Variants in PARP8 observed in about 807,000 individuals in gnomAD.
The protein encoded by PARP8 is protein mono-ADP-ribosyltransferase PARP8.
In PARP8, 51 loss-of-function variants were observed where a neutral mutation model predicts 124.1. That is an observed-to-expected ratio of 0.41 (90% CI 0.33 to 0.52). The LOEUF is 0.52. PARP8 is among the 20% of genes least tolerant of loss of function. The pLI is 0.21. For synonymous variants in PARP8, 391 were observed against 361.5 expected (o/e 1.08, Z -0.93); for missense variants, 860 against 1,018.9 (o/e 0.84, Z 2.12).
At chr5:50,680,818 T>A (rs1751206404) in intron 2 of PARP8, among the ~76,000 whole-genome samples, 1 of 152,136 alleles carries the variant, frequency 6.6e-6, no homozygotes, top group Non-Finnish European at 1.5e-5. Flanking sequence ...CTGGCATATT[T>A]GGCATAGATC....
At position 50,794,958 on chromosome 5, in the gene PARP8, C is replaced by T. The variant is rs1405541559; in HGVS notation, c.969C>T (p.Ser323=). 1.2e-5 allele frequency: 19 copies of T among 1,614,198 alleles called. No homozygotes were observed. Among genetic ancestry groups the T allele is most frequent in the Non-Finnish European group, 1.5e-5 (18 of 1,180,026 alleles). Residue 323 remains serine, a synonymous_variant, in exon 12 of 26, where the codon TCC becomes TCT. Coordinates refer to ENST00000281631, the MANE Select transcript of PARP8 (RefSeq NM_024615.4). ...ATAAGCTGCTGCGGAGGACTTGTTC[C>T]AGCACAGTCAAGACTGATGATGTGT... ...KTHKLLRRTC[S]STVKTDDVCV... is the part of the protein sequence containing the mutation.
chr5:50,816,444 G>C (rs1266221144), intron 15 of PARP8, among the ~76,000 whole-genome samples: 1 of 152,180 alleles, frequency 6.6e-6, no homozygotes, highest in African/African-American at 2.4e-5. Context: ...ACTTGAGGCA[G>C]TGCATCAGGC....
At chr5:50,814,776 C>T (rs1389701448) in intron 14 of PARP8, among the ~76,000 whole-genome samples, 1 of 152,062 alleles carries the variant, frequency 6.6e-6, no homozygotes, top group Non-Finnish European at 1.5e-5. Context: ...CTACCTAATG[C>T]AATGTAACTT....
At chr5:50,726,394 C>T (rs527446490) in intron 2 of PARP8, among the ~76,000 whole-genome samples, 1 of 152,176 alleles carries the variant, frequency 6.6e-6, no homozygotes, top group East Asian at 1.9e-4. Context: ...TACTTTTTTT[C>T]CCGCATTTTA....
intron 9 of PARP8, among the ~76,000 whole-genome samples, chr5:50,780,600 G>T (rs1484502167): frequency 2.0e-5 from 3 of 152,226 alleles, no homozygotes; most frequent in Non-Finnish European, 4.4e-5. Context: ...CTCATGGTTA[G>T]ATTATTTTAA....
In PARP8 at chr5:50,797,009, C is replaced by A. The variant is rs139519921; in HGVS notation, c.1456C>A (p.Arg486=). The A allele has an allele frequency of 6.2e-7, 1 of 1,612,506 alleles. No individual in the cohort carries two copies. The highest frequency in any genetic ancestry group is 8.5e-7 in the Non-Finnish European group (1 of 1,179,186). The part of the protein sequence containing the change: ...APNGAKCIPV[R]DRGFLVQTIE... ...AAATGGTGCAAAATGCATTCCAGTA[C>A]GAGACCGTGGCTTCCTGGTGCAGGT... The change falls in exon 13 of 26, where the codon CGA becomes AGA. Residue 486 remains arginine (R), a synonymous_variant. Coordinates refer to ENST00000281631, the MANE Select transcript of PARP8 (RefSeq NM_024615.4).
chr5:50,764,749 G>T (rs1214307546), intron 7 of PARP8, among the ~76,000 whole-genome samples: 1 of 151,468 alleles, frequency 6.6e-6, no homozygotes, highest in East Asian at 1.9e-4. Context: ...GTTATAGAAT[G>T]CATATATGAA....
intron 2 of PARP8, among the ~76,000 whole-genome samples, chr5:50,741,444 T>C (rs1310941476): frequency 1.3e-5 from 2 of 152,194 alleles, no homozygotes; most frequent in African/African-American, 4.8e-5. Flanking sequence ...AAAATACCAT[T>C]ATAAAGCTTG....
At chr5:50,834,525 T>G (rs1205013677) in intron 24 of PARP8, among the ~76,000 whole-genome samples, 2 of 152,208 alleles carry the variant, frequency 1.3e-5, no homozygotes, top group African/African-American at 4.8e-5. Context: ...TCTTTGTTCT[T>G]GCTTTAAAAT....
chr5:50,805,248 A>G (rs1162501579), intron 14 of PARP8, among the ~76,000 whole-genome samples: 4 of 152,182 alleles, frequency 2.6e-5, no homozygotes, highest in Non-Finnish European at 5.9e-5. Context: ...ATAATAAAAT[A>G]TAGATAAATA....
chr5:50,765,693 T>G (rs573446808), intron 7 of PARP8, among the ~76,000 whole-genome samples: 1 of 152,206 alleles, frequency 6.6e-6, no homozygotes, highest in Admixed American at 6.5e-5. Context: ...AAAATAAATA[T>G]CTTCCTAGAG....
At chr5:50,737,167 C>T (rs544674290) in intron 2 of PARP8, among the ~76,000 whole-genome samples, 1 of 152,076 alleles carries the variant, frequency 6.6e-6, no homozygotes, top group African/African-American at 2.4e-5. Context: ...AGTCTGGGAA[C>T]CTATCAGCTA....
intron 14 of PARP8, among the ~76,000 whole-genome samples, chr5:50,799,778 A>G (rs985610941): frequency 2.0e-5 from 3 of 152,150 alleles, no homozygotes; most frequent in Non-Finnish European, 2.9e-5. Flanking sequence ...TGGTGCCCTC[A>G]TGAACAGGAA....
chr5:50,790,117 T>C (rs909231936), intron 10 of PARP8, among the ~76,000 whole-genome samples: 6 of 152,212 alleles, frequency 3.9e-5, no homozygotes, highest in Admixed American at 2.0e-4. Context: ...AACATTCTTA[T>C]AAATTCCCAG....
At chr5:50,701,764 A>G (rs545163920) in intron 2 of PARP8, among the ~76,000 whole-genome samples, 1 of 152,288 alleles carries the variant, frequency 6.6e-6, no homozygotes, top group East Asian at 1.9e-4. Flanking sequence ...GCTTCACTCA[A>G]GGGGCTTCAG....
chr5:50,702,174 C>T (rs1347857592), intron 2 of PARP8, among the ~76,000 whole-genome samples: 1 of 152,036 alleles, frequency 6.6e-6, no homozygotes, highest in Non-Finnish European at 1.5e-5. Flanking sequence ...TAAAAAATAA[C>T]ATTTAACATC....
Position 50,667,814 on chromosome 5 carries a change from C to T in PARP8, c.92-257C>T, listed in dbSNP as rs532957077. ...CCGCGAGCCCGGCTGAGGCTGCTTC[C>T]GGCCTCCCCTATCGGGAAATTCCCG... is the stretch of plus-strand genomic sequence containing the variant. On this transcript the variant is annotated intron_variant, in intron 1 of 25. Transcript: ENST00000281631. 2.0e-4 allele frequency: 222 copies of T among 1,091,104 alleles called. 2 individuals carry two copies. In the East Asian group the frequency reaches 5.0e-3, roughly 25 times the overall value. The allele number at this position is 1,091,104 out of a possible 1,614,324, so 67.6% of individuals were successfully genotyped here.
intron 3 of PARP8, among the ~76,000 whole-genome samples, chr5:50,754,150 T>TATATATATATATATAC (rs1312947286): frequency 8.1e-5 from 3 of 37,194 alleles, no homozygotes; most frequent in African/African-American, 3.7e-4. Context: ...TATATATATA[T>TATATATATATATATAC]ACACACACAC....
At chr5:50,833,287 A>G in intron 23 of PARP8, 1 of 323,896 alleles carries the variant, frequency 3.1e-6, no homozygotes, top group Non-Finnish European at 6.1e-6. Flanking sequence ...GATGGTCAGG[A>G]AAGGATACTC....
Sources: gnomAD v4.1 joint callset for allele counts (sites outside exome capture counted in the v4.1 genomes callset) on GRCh38, gnomAD v4.1.1 for gene constraint, MANE v1.5 for transcripts, NCBI Gene and HGNC (gene_info 2026-07-23, HGNC 2026-07-21) for gene names.